The following TNS1 variants were observed in gnomAD, a reference collection of about 807,000 sequenced individuals.
The protein encoded by TNS1 is tensin-1.
TNS1 carries 62 observed loss-of-function variants against 168.6 expected under a neutral mutation model. That is an observed-to-expected ratio of 0.37 (90% CI 0.30 to 0.45). The LOEUF is 0.45. TNS1 is among the 20% of genes least tolerant of loss of function. The pLI is 1.00. For missense variants in TNS1, 2,240 were observed against 2,339.4 expected, an observed-to-expected ratio of 0.96 and a Z score of 0.88; for synonymous variants, 934 against 933.2, an observed-to-expected ratio of 1.00 and a Z score of -0.02.
chr2:217,924,314 T>A (rs62182181), intron 3 of TNS1, among the ~76,000 whole-genome samples: 2,072 of 149,406 alleles, frequency 0.014, 51 homozygotes, highest in African/African-American at 0.045. Context: ...TCTCTCTCTC[T>A]CACACACACA....
At chr2:217,993,981 A>T (rs1426250354) in intron 1 of TNS1, among the ~76,000 whole-genome samples, 1 of 152,166 alleles carries the variant, frequency 6.6e-6, no homozygotes, top group Non-Finnish European at 1.5e-5. Flanking sequence ...GGGGGAGCAG[A>T]GACAAAAGCC....
intron 18 of TNS1, among the ~76,000 whole-genome samples, chr2:217,861,833 C>T (rs1476810677): frequency 1.3e-5 from 2 of 152,238 alleles, no homozygotes; most frequent in African/African-American, 4.8e-5. Flanking sequence ...TCCCCGTCTC[C>T]CTTCCCTAGC....
intron 22 of TNS1, among the ~76,000 whole-genome samples, chr2:217,829,470 C>A (rs1473537276): frequency 6.6e-6 from 1 of 152,214 alleles, no homozygotes; most frequent in Non-Finnish European, 1.5e-5. Flanking sequence ...TGGAGCACGT[C>A]CCGGGAAAGG....
chr2:217,900,697 C>T, intron 6 of TNS1, 185 bp from the exon 7 acceptor site: 1 of 644,192 alleles, frequency 1.6e-6, no homozygotes, highest in South Asian at 1.8e-5. Flanking sequence ...ACACTGATTC[C>T]ACGTGAGTGT....
At chr2:217,911,880 G>A (rs964609059) in intron 4 of TNS1, among the ~76,000 whole-genome samples, 1 of 152,206 alleles carries the variant, frequency 6.6e-6, no homozygotes. Context: ...TTCTGTCCAG[G>A]TCCTCAGTAG....
chr2:218,010,353 C>G (rs940741212), exon 1 of TNS1: 37 of 394,620 alleles, frequency 9.4e-5, no homozygotes, highest in Non-Finnish European at 1.5e-4. Context: ...AGGAGCAGCC[C>G]GTGTCCTGCT....
intron 1 of TNS1, among the ~76,000 whole-genome samples, chr2:217,992,943 G>A (rs546571017): frequency 2.6e-5 from 4 of 152,296 alleles, no homozygotes; most frequent in South Asian, 2.1e-4. Flanking sequence ...TGCAGTCATC[G>A]CCACATAATG....
At chr2:218,030,463 A>G (rs1347251513) in intron 1 of TNS1, among the ~76,000 whole-genome samples, 1 of 151,840 alleles carries the variant, frequency 6.6e-6, no homozygotes, top group Non-Finnish European at 1.5e-5. Flanking sequence ...TGGATTGACA[A>G]CCCCCTGAGG....
At chr2:218,026,928 G>A (rs912883367) in intron 1 of TNS1, among the ~76,000 whole-genome samples, 15 of 152,248 alleles carry the variant, frequency 9.9e-5, no homozygotes, top group Non-Finnish European at 5.9e-5. Context: ...CCAGCCACAC[G>A]AGGTGAGCTC....
At chr2:217,928,571 G>T (rs879940951) in intron 3 of TNS1, among the ~76,000 whole-genome samples, 1 of 152,206 alleles carries the variant, frequency 6.6e-6, no homozygotes, top group African/African-American at 2.4e-5. Flanking sequence ...AGACAGTGGG[G>T]ACAGGGAGTG....
In TNS1 at chr2:217,891,065, G is replaced by A. The variant is rs1411657420; in HGVS notation, c.783-20C>T. On this transcript the variant is annotated intron_variant, in intron 11 of 32. Coordinates refer to ENST00000682258, the MANE Select transcript of TNS1 (RefSeq NM_001387777.1). ...TCCGCACTGCAGGGAGAGACAGGTGGTCAAAAGAGGCAACTCCTGCATCCA... is the reference window on the plus strand; with the variant it reads ...TCCGCACTGCAGGGAGAGACAGGTGATCAAAAGAGGCAACTCCTGCATCCA... The A allele has an allele frequency of 6.2e-7, 1 of 1,613,486 alleles. No individual in the cohort carries two copies. Among genetic ancestry groups the A allele is most frequent in the Non-Finnish European group, 8.5e-7 (1 of 1,179,662 alleles).
At chr2:217,861,949 G>A (rs1948820783) in intron 18 of TNS1, among the ~76,000 whole-genome samples, 1 of 152,202 alleles carries the variant, frequency 6.6e-6, no homozygotes, top group Admixed American at 6.5e-5. Context: ...CCCGATCTCT[G>A]CTCAAAAATC....
At chr2:218,020,450 G>A (rs1356255152) in intron 1 of TNS1, among the ~76,000 whole-genome samples, 1 of 152,022 alleles carries the variant, frequency 6.6e-6, no homozygotes, top group Non-Finnish European at 1.5e-5. Context: ...GAGCCGGGGA[G>A]TGACAGGCAA....
At chr2:217,936,960 G>T (rs1241884063) in intron 3 of TNS1, 1 of 456,712 alleles carries the variant, frequency 2.2e-6, no homozygotes, top group African/African-American at 2.0e-5. Context: ...ACCCACGCTT[G>T]TTATTTCTCC....
chr2:217,830,093 A>T, intron 22 of TNS1: 2 of 696,794 alleles, frequency 2.9e-6, no homozygotes, highest in Non-Finnish European at 3.5e-6. Context: ...CTCCAAGGGG[A>T]AGGCCGAGGC....
chr2:217,940,667 C>T (rs993905887), intron 3 of TNS1, among the ~76,000 whole-genome samples: 7 of 152,164 alleles, frequency 4.6e-5, no homozygotes, highest in Admixed American at 3.3e-4. Context: ...CTCCCCTGGT[C>T]GGAGGCGGTG....
At chr2:217,859,818 A>G (rs1238474862) in intron 18 of TNS1, 1 of 748,524 alleles carries the variant, frequency 1.3e-6, no homozygotes, top group Non-Finnish European at 2.2e-6. Flanking sequence ...ACGGCCCTCA[A>G]GTTCCCACCA....
chr2:217,847,735 C>G lies in TNS1; in HGVS notation c.2782G>C (p.Ala928Pro). 6.2e-7 allele frequency: 1 copy of G among 1,607,816 alleles called. No individual in the cohort carries two copies. Among genetic ancestry groups the G allele is most frequent in the Non-Finnish European group, 8.5e-7 (1 of 1,175,038 alleles). The change falls in exon 19 of 33, where the codon GCT becomes CCT. Residue 928 changes from alanine to proline, a missense_variant. Coordinates refer to ENST00000682258, the MANE Select transcript of TNS1 (RefSeq NM_001387777.1). ...GAATGGAAATCCTGGTTAGGCCCAG[C>G]CAAACATGGCTGATAGTCATAAGGT... ...YSPYDYQPCLAGPNQDFHSKS... is the reference protein window; with the variant it reads ...YSPYDYQPCLPGPNQDFHSKS...
chr2:217,885,877 G>T (rs1032433050), intron 14 of TNS1, 58 bp from the exon 15 acceptor site: 5 of 1,519,878 alleles, frequency 3.3e-6, no homozygotes, highest in Non-Finnish European at 4.6e-6. Flanking sequence ...ATGAGGGAGG[G>T]GCATTTTCTC....
Sources: allele counts gnomAD v4.1 joint callset (sites outside exome capture counted in the v4.1 genomes callset), GRCh38; gene constraint gnomAD v4.1.1; transcripts MANE v1.5; gene names NCBI Gene and HGNC (gene_info 2026-07-23, HGNC 2026-07-21).